Variants in CLVS1 observed in about 807,000 individuals in gnomAD.
CLVS1 encodes the protein clavesin 1, also known as clavesin-1.
A neutral mutation model predicts 33.1 loss-of-function variants in CLVS1; 10 were observed. That is an observed-to-expected ratio of 0.30 (90% confidence interval 0.19 to 0.51). CLVS1 has a LOEUF of 0.51. Ranked by LOEUF, CLVS1 falls within the 20% of genes least tolerant of loss-of-function variation. The pLI, the probability that CLVS1 is intolerant of heterozygous loss-of-function variation, is 0.97. For missense variants in CLVS1, 343 were observed against 433.4 expected, an observed-to-expected ratio of 0.79 and a Z score of 1.85; for synonymous variants, 163 against 166.1, an observed-to-expected ratio of 0.98 and a Z score of 0.14.
intron 2 of CLVS1, among the ~76,000 whole-genome samples, chr8:61,190,225 C>T (rs1357559997): frequency 6.6e-6 from 1 of 152,100 alleles, no homozygotes; most frequent in Non-Finnish European, 1.5e-5. Flanking sequence ...AAACTCACTC[C>T]AAACTGCTCA....
intron 1 of CLVS1, among the ~76,000 whole-genome samples, chr8:61,072,293 C>T (rs1804810902): frequency 6.6e-6 from 1 of 152,144 alleles, no homozygotes. Context: ...ATCTTATCCC[C>T]TTATAGAGCT....
At chr8:61,395,300 G>C (rs1264133515) in intron 3 of CLVS1, among the ~76,000 whole-genome samples, 2 of 152,220 alleles carry the variant, frequency 1.3e-5, no homozygotes. Context: ...GAGGCTGGGG[G>C]AGAGGGGGAG....
intron 5 of CLVS1, among the ~76,000 whole-genome samples, chr8:61,488,781 C>A (rs1329941683): frequency 6.6e-6 from 1 of 152,078 alleles, no homozygotes; most frequent in African/African-American, 2.4e-5. Flanking sequence ...AGCAATAAGC[C>A]CTTTTGTAGG....
chr8:61,094,398 T>C (rs1481098413), intron 1 of CLVS1, among the ~76,000 whole-genome samples: 1 of 152,204 alleles, frequency 6.6e-6, no homozygotes, highest in East Asian at 1.9e-4. Flanking sequence ...ATCCCTGAGC[T>C]CTATACAGTT....
intron 5 of CLVS1, among the ~76,000 whole-genome samples, chr8:61,487,837 C>G (rs1563576741): frequency 6.6e-6 from 1 of 152,224 alleles, no homozygotes; most frequent in Non-Finnish European, 1.5e-5. Flanking sequence ...ACTAGCCATC[C>G]TTTTCAAACT....
At chr8:61,217,027 A>G (rs999923670) in intron 2 of CLVS1, among the ~76,000 whole-genome samples, 1 of 152,150 alleles carries the variant, frequency 6.6e-6, no homozygotes, top group African/African-American at 2.4e-5. Context: ...TAAATTTTCC[A>G]TCTTCTCTTT....
At chr8:61,052,701 G>A (rs533113992), upstream of CLVS1, among the ~76,000 whole-genome samples, 1 of 152,162 alleles carries the variant, frequency 6.6e-6, no homozygotes, top group Non-Finnish European at 1.5e-5. Context: ...GAAATAATGG[G>A]GATGGGTGGC....
chr8:61,200,158 G>A (rs916491798), intron 2 of CLVS1, among the ~76,000 whole-genome samples: 1 of 152,132 alleles, frequency 6.6e-6, no homozygotes, highest in East Asian at 1.9e-4. Flanking sequence ...CATTCTTGTT[G>A]CCCAGGCTGG....
chr8:61,033,283 G>T, the CLVS1 span, among the ~76,000 whole-genome samples: 4 of 152,186 alleles, frequency 2.6e-5, no homozygotes, highest in Non-Finnish European at 4.4e-5. Flanking sequence ...TAAGTCTAAG[G>T]ACCTGCACTC....
At chr8:61,252,807 G>C (rs1036895622) in intron 2 of CLVS1, among the ~76,000 whole-genome samples, 2 of 152,134 alleles carry the variant, frequency 1.3e-5, no homozygotes, top group Non-Finnish European at 2.9e-5. Context: ...TTGAGCCTAT[G>C]TGTGTCTTTA....
At chr8:61,370,892 T>C (rs1377660509) in intron 2 of CLVS1, among the ~76,000 whole-genome samples, 1 of 152,220 alleles carries the variant, frequency 6.6e-6, no homozygotes, top group Non-Finnish European at 1.5e-5. Flanking sequence ...CTTTATTTAC[T>C]CGTTGATTGA....
chr8:61,287,953 G>C, upstream of CLVS1: 1 of 382,240 alleles, frequency 2.6e-6, no homozygotes, highest in South Asian at 1.9e-5. Flanking sequence ...TAGAAGGACA[G>C]AGAATCGGGC....
the CLVS1 span, among the ~76,000 whole-genome samples, chr8:60,986,381 A>G: frequency 1.5e-4 from 23 of 152,270 alleles, no homozygotes; most frequent in Admixed American, 1.5e-3. Flanking sequence ...ATGGAAACAG[A>G]AACAGAGGCA....
At chr8:61,437,612 G>A (rs1816382107) in intron 3 of CLVS1, among the ~76,000 whole-genome samples, 1 of 152,004 alleles carries the variant, frequency 6.6e-6, no homozygotes, top group East Asian at 1.9e-4. Context: ...AGATATGCAA[G>A]TTCATTTTTT....
At chr8:61,190,556 A>G (rs1164387224) in intron 2 of CLVS1, among the ~76,000 whole-genome samples, 1 of 152,212 alleles carries the variant, frequency 6.6e-6, no homozygotes, top group Non-Finnish European at 1.5e-5. Context: ...GGACACAAAC[A>G]TCCCTTCAAA....
chr8:61,049,074 A>G, the CLVS1 span, among the ~76,000 whole-genome samples: 1 of 152,218 alleles, frequency 6.6e-6, no homozygotes, highest in African/African-American at 2.4e-5. Context: ...TTACTTTTGC[A>G]TATTTTATTT....
intron 2 of CLVS1, among the ~76,000 whole-genome samples, chr8:61,150,988 G>T (rs1461848964): frequency 6.6e-6 from 1 of 152,198 alleles, no homozygotes; most frequent in East Asian, 1.9e-4. Context: ...CATTCTGGGG[G>T]CCTGTATAAG....
intron 3 of CLVS1, among the ~76,000 whole-genome samples, chr8:61,389,832 G>A (rs1273695331): frequency 1.3e-5 from 2 of 152,174 alleles, no homozygotes; most frequent in East Asian, 3.8e-4. Flanking sequence ...GTATAAAAAT[G>A]TACAGCTTAA....
intron 2 of CLVS1, among the ~76,000 whole-genome samples, chr8:61,251,578 C>T (rs1467576773): frequency 6.6e-6 from 1 of 152,102 alleles, no homozygotes; most frequent in African/African-American, 2.4e-5. Context: ...TTAATTACTG[C>T]CTCAATTTCA....
Sources: gnomAD v4.1 joint callset for allele counts (sites outside exome capture counted in the v4.1 genomes callset) on GRCh38, gnomAD v4.1.1 for gene constraint, MANE v1.5 for transcripts, NCBI Gene and HGNC (gene_info 2026-07-23, HGNC 2026-07-21) for gene names.